Variants in LVRN observed in about 807,000 individuals in gnomAD.
LVRN encodes the protein laeverin.
In LVRN, 99 loss-of-function variants were observed where a neutral mutation model predicts 111.4. The ratio of observed to expected loss-of-function variants is 0.89; its 90% CI spans 0.76 to 1.05. The LOEUF is 1.05. Among genes scored for constraint, LVRN ranks in the 50% least tolerant of loss-of-function variants. The pLI is 0.00. For missense variants in LVRN, 1,414 were observed against 1,206.8 expected, an observed-to-expected ratio of 1.17 and a Z score of -2.54; for synonymous variants, 488 against 449.5, an observed-to-expected ratio of 1.09 and a Z score of -1.08.
chr5:115,986,288 C>T (rs1203685098), intron 3 of LVRN, among the ~76,000 whole-genome samples: 2 of 152,162 alleles, frequency 1.3e-5, no homozygotes, highest in African/African-American at 2.4e-5. Flanking sequence ...TTTGGAAGCA[C>T]GTGCTTTGAG....
intron 15 of LVRN, among the ~76,000 whole-genome samples, 187 bp downstream of exon 15, chr5:116,012,655 T>C (rs1748516689): frequency 1.3e-5 from 2 of 152,224 alleles, no homozygotes; most frequent in African/African-American, 4.8e-5. Flanking sequence ...TCGTTTGAGA[T>C]CTTAATTTAC....
intron 15 of LVRN, 27 bp from the exon 16 acceptor site, chr5:116,014,393 C>T: frequency 6.5e-7 from 1 of 1,544,924 alleles, no homozygotes; most frequent in East Asian, 2.3e-5. Context: ...GCAAAATAAA[C>T]TGTTTTTCTT....
chr5:115,980,017 A>G (rs1753529280), intron 1 of LVRN, among the ~76,000 whole-genome samples: 1 of 152,148 alleles, frequency 6.6e-6, no homozygotes, highest in African/African-American at 2.4e-5. Context: ...CCAGCACAAG[A>G]AAACAGTGAG....
intron 1 of LVRN, among the ~76,000 whole-genome samples, chr5:115,977,314 C>T (rs763280758): frequency 2.6e-5 from 4 of 152,128 alleles, no homozygotes; most frequent in Non-Finnish European, 5.9e-5. Context: ...TTTCAGTTTC[C>T]CTTTCCTGTG....
chr5:116,007,430 T>A (rs1748398313), intron 13 of LVRN, among the ~76,000 whole-genome samples: 1 of 152,336 alleles, frequency 6.6e-6, no homozygotes, highest in South Asian at 2.1e-4. Context: ...CTTCCTCTTT[T>A]TCTACCTATT....
chr5:115,986,414 G>A (rs1159778799), intron 3 of LVRN, among the ~76,000 whole-genome samples: 1 of 152,146 alleles, frequency 6.6e-6, no homozygotes, highest in Non-Finnish European at 1.5e-5. Flanking sequence ...AACCATTCTT[G>A]TAGCGGGATG....
chr5:116,010,328 C>T (rs931587429), intron 13 of LVRN, among the ~76,000 whole-genome samples: 1 of 152,114 alleles, frequency 6.6e-6, no homozygotes, highest in Non-Finnish European at 1.5e-5. Flanking sequence ...GGAACAGAAT[C>T]CACAATATCT....
chr5:115,984,509 A>G, intron 2 of LVRN, 61 bp from the exon 3 acceptor site: 1 of 1,578,196 alleles, frequency 6.3e-7, no homozygotes. Context: ...TTGACAAATT[A>G]TTTCAAAGAC....
chr5:115,997,952 C>T (rs531492152), intron 6 of LVRN, among the ~76,000 whole-genome samples: 11 of 151,886 alleles, frequency 7.2e-5, no homozygotes, highest in African/African-American at 1.5e-4. Context: ...AGTGATATCA[C>T]GAAGATTACA....
chr5:116,012,835 C>A (rs1198122700), intron 15 of LVRN, among the ~76,000 whole-genome samples: 1 of 152,150 alleles, frequency 6.6e-6, no homozygotes, highest in Non-Finnish European at 1.5e-5. Flanking sequence ...GAAAAGGTCC[C>A]ATCTGTATTT....
At chr5:116,017,196 G>A (rs546586624) in intron 18 of LVRN, among the ~76,000 whole-genome samples, 1 of 152,304 alleles carries the variant, frequency 6.6e-6, no homozygotes, top group African/African-American at 2.4e-5. Context: ...GGCCAACTTG[G>A]GACTAGTCAC....
At chr5:116,017,731 A>G (rs921106066) in intron 18 of LVRN, among the ~76,000 whole-genome samples, 1 of 152,224 alleles carries the variant, frequency 6.6e-6, no homozygotes, top group African/African-American at 2.4e-5. Flanking sequence ...AGGCTTTAAG[A>G]TAATTTAATA....
intron 9 of LVRN, 106 bp from the exon 10 acceptor site, chr5:116,000,961 A>G (rs1580391302): frequency 7.7e-7 from 1 of 1,291,526 alleles, no homozygotes; most frequent in Non-Finnish European, 1.1e-6. Flanking sequence ...CAGGACTACT[A>G]CATAAGTGAG....
Position 116,011,190 on chromosome 5 carries a change from GT to G in LVRN, c.2247+309del, listed in dbSNP as rs34031653. ...AGAAGTGGATGGAAATGGTATGCCT[GT>G]TTTTTTTTTTTTAGGGAAAAGGATA... On this transcript the variant is annotated intron_variant, in intron 14 of 19. Coordinates refer to ENST00000357872, the MANE Select transcript of LVRN (RefSeq NM_173800.5). 5.0e-3 allele frequency among the ~76,000 whole-genome samples: 724 copies of G among 144,048 alleles called. 5 individuals carry two copies. Among genetic ancestry groups the G allele is most frequent in the African/African-American group, 0.016 (616 of 39,220 alleles). 94.5% of individuals were successfully genotyped at this position (144,048 alleles called of 152,430 possible). A position where few individuals can be genotyped will look rare whatever the true frequency, so the allele number is the denominator to read the frequency against.
intron 6 of LVRN, among the ~76,000 whole-genome samples, chr5:115,997,812 G>C (rs1401103563): frequency 6.6e-6 from 1 of 152,112 alleles, no homozygotes; most frequent in East Asian, 1.9e-4. Flanking sequence ...GTTTTATGTA[G>C]TGTTTCCCTG....
intron 4 of LVRN, among the ~76,000 whole-genome samples, chr5:115,991,547 T>C (rs1221579285): frequency 6.6e-6 from 1 of 152,184 alleles, no homozygotes; most frequent in African/African-American, 2.4e-5. Context: ...TTTCTGGTCA[T>C]TTGGGTTAAT....
chr5:115,989,737 C>T (rs1747942929), intron 4 of LVRN, among the ~76,000 whole-genome samples: 1 of 152,116 alleles, frequency 6.6e-6, no homozygotes, highest in Non-Finnish European at 1.5e-5. Context: ...TTCTTTGTAA[C>T]CTTCATAGCA....
chr5:115,965,765 G>T (rs1753189461), intron 1 of LVRN, among the ~76,000 whole-genome samples: 1 of 152,004 alleles, frequency 6.6e-6, no homozygotes, highest in Non-Finnish European at 1.5e-5. Flanking sequence ...CTGTCTTGCT[G>T]CCCTGTGAAG....
At chr5:115,969,799 C>CA (rs35835980) in intron 1 of LVRN, among the ~76,000 whole-genome samples, 75,282 of 113,548 alleles carry the variant, frequency 0.66, 24,223 homozygotes, top group Non-Finnish European at 0.7. Flanking sequence ...GACTCGATCT[C>CA]AAAAAAAAAA....
Sources: gnomAD v4.1 joint callset for allele counts (sites outside exome capture counted in the v4.1 genomes callset) on GRCh38, gnomAD v4.1.1 for gene constraint, MANE v1.5 for transcripts, NCBI Gene and HGNC (gene_info 2026-07-23, HGNC 2026-07-21) for gene names.